Variants in BRCC3 observed in about 807,000 individuals in gnomAD.
The protein encoded by BRCC3 is lys-63-specific deubiquitinase BRCC36.
In BRCC3, 15 loss-of-function variants were observed where a neutral mutation model predicts 28.0. The ratio of observed to expected loss-of-function variants is 0.54; its 90% CI spans 0.36 to 0.82. The LOEUF is 0.82. Among genes scored for constraint, BRCC3 ranks in the 40% least tolerant of loss-of-function variants. The probability of loss-of-function intolerance (pLI) is 0.01; values close to 1 mark genes in which losing one functional copy is unlikely to be tolerated. For missense variants in BRCC3, 109 were observed against 225.9 expected (o/e 0.48, Z 3.32); for synonymous variants, 66 against 80.3 (o/e 0.82, Z 0.95).
chrX:155,095,783 T>A (rs1292775535), intron 7 of BRCC3, among the ~76,000 whole-genome samples: 1 of 111,806 alleles, frequency 8.9e-6, no homozygotes, highest in African/African-American at 3.3e-5. Context: ...TGTACTTTTT[T>A]TTGGTCTTTT....
chrX:155,076,253 G>C (rs1363614566), intron 3 of BRCC3, among the ~76,000 whole-genome samples: 1 of 111,172 alleles, frequency 9.0e-6, no homozygotes, highest in Non-Finnish European at 1.9e-5. Flanking sequence ...GCCGGGCATG[G>C]TGGCGTGTGC....
chrX:155,083,150 T>A (rs1369363394), intron 5 of BRCC3, among the ~76,000 whole-genome samples: 1 of 112,516 alleles, frequency 8.9e-6, no homozygotes, highest in Non-Finnish European at 1.9e-5. Context: ...AACAAGCCTC[T>A]TCTCAGCCTG....
intron 9 of BRCC3, among the ~76,000 whole-genome samples, chrX:155,119,385 ATACT>A (rs1231205731): frequency 2.7e-5 from 3 of 112,071 alleles, no homozygotes; most frequent in African/African-American, 9.7e-5. Flanking sequence ...AGAGAAAAAG[ATACT>A]TACATTAGAT....
At chrX:155,098,663 A>G (rs2074226610) in intron 7 of BRCC3, among the ~76,000 whole-genome samples, 2 of 112,603 alleles carry the variant, frequency 1.8e-5, no homozygotes, top group Admixed American at 1.9e-4. Context: ...TGTGGCCCAC[A>G]CAGCTTAAAA....
intron 5 of BRCC3, among the ~76,000 whole-genome samples, chrX:155,082,773 C>G: frequency 1.8e-5 from 2 of 112,567 alleles, no homozygotes; most frequent in Middle Eastern, 4.6e-3. Context: ...AACTTATTCA[C>G]ATTTTGCCAG....
At chrX:155,101,051 G>C (rs2074243952) in intron 7 of BRCC3, among the ~76,000 whole-genome samples, 1 of 110,264 alleles carries the variant, frequency 9.1e-6, no homozygotes, top group African/African-American at 3.3e-5. Flanking sequence ...GTGCCACCAG[G>C]CTTGGCTATT....
chrX:155,118,684 A>G (rs1340413574), intron 9 of BRCC3, among the ~76,000 whole-genome samples: 1 of 111,906 alleles, frequency 8.9e-6, no homozygotes, highest in African/African-American at 3.3e-5. Flanking sequence ...TGCAGACATC[A>G]TGTGGCAACA....
chrX:155,074,342 A>G (rs1396952310), intron 3 of BRCC3, among the ~76,000 whole-genome samples: 1 of 112,149 alleles, frequency 8.9e-6, no homozygotes, highest in African/African-American at 3.2e-5. Flanking sequence ...ATGGGCTACA[A>G]TTACTACTCC....
At chrX:155,079,761 A>C (rs781874532) in intron 5 of BRCC3, among the ~76,000 whole-genome samples, 2 of 111,277 alleles carry the variant, frequency 1.8e-5, no homozygotes, top group African/African-American at 6.5e-5. Context: ...AAACTTTAAC[A>C]TTTGGCAACA....
chrX:155,104,416 T>G (rs1473419472), intron 7 of BRCC3, among the ~76,000 whole-genome samples: 1 of 112,358 alleles, frequency 8.9e-6, no homozygotes, highest in Non-Finnish European at 1.9e-5. Flanking sequence ...TAATATAAGG[T>G]TCATTTTTTC....
chrX:155,101,007 C>T (rs1339779353), intron 7 of BRCC3, among the ~76,000 whole-genome samples: 5 of 110,668 alleles, frequency 4.5e-5, no homozygotes, highest in Non-Finnish European at 9.5e-5. Context: ...GATCCTCCCT[C>T]GTCACCCTCC....
intron 7 of BRCC3, among the ~76,000 whole-genome samples, chrX:155,106,160 T>C (rs1557297525): frequency 2.7e-5 from 3 of 112,690 alleles, no homozygotes; most frequent in Non-Finnish European, 5.6e-5. Flanking sequence ...CCACTTGCTG[T>C]AGTCTACTTT....
intron 7 of BRCC3, among the ~76,000 whole-genome samples, chrX:155,105,422 G>T: frequency 9.0e-6 from 1 of 111,680 alleles, no homozygotes; most frequent in South Asian, 3.8e-4. Flanking sequence ...GGCGGAGGTT[G>T]CAGTGAGCCG....
intron 5 of BRCC3, among the ~76,000 whole-genome samples, chrX:155,087,772 A>G (rs1379487795): frequency 2.7e-5 from 3 of 111,980 alleles, no homozygotes; most frequent in Non-Finnish European, 5.6e-5. Context: ...AGCTGAGATC[A>G]GGTAAATTGA....
chrX:155,114,137 A>G (rs148396056), intron 7 of BRCC3, among the ~76,000 whole-genome samples: 7 of 111,412 alleles, frequency 6.3e-5, no homozygotes, highest in African/African-American at 2.3e-4. Flanking sequence ...TAAAAGCAAG[A>G]TCTCAAATAG....
chrX:155,087,192 C>CAG (rs2074137679), intron 5 of BRCC3, among the ~76,000 whole-genome samples: 1 of 111,831 alleles, frequency 8.9e-6, no homozygotes, highest in African/African-American at 3.3e-5. Context: ...AGACAATGCT[C>CAG]AGAGGGGGTA....
Position 155,077,039 on chromosome X carries a change from G to A in BRCC3, c.196-131G>A, listed in dbSNP as rs185359371. On this transcript the variant is annotated intron_variant, in intron 3 of 10. Coordinates refer to ENST00000330045, the MANE Select transcript of BRCC3 (RefSeq NM_001018055.3). ...TTTTATTTGAAACATTTCATTATTC[G>A]TGAGAAAAGTGTCAGTTTTCTAAAA... is the stretch of plus-strand genomic sequence containing the variant. 40 of 513,502 alleles carry A rather than the reference G, an allele frequency of 7.8e-5. 1 individual carries two copies. Among genetic ancestry groups the A allele is most frequent in the Middle Eastern group, 9.4e-4 (1 of 1,065 alleles). 42.3% of individuals were successfully genotyped at this position (513,502 alleles called of 1,213,427 possible).
At chrX:155,113,968 T>C (rs2074338394) in intron 7 of BRCC3, among the ~76,000 whole-genome samples, 1 of 111,342 alleles carries the variant, frequency 9.0e-6, no homozygotes, top group African/African-American at 3.3e-5. Context: ...AATCAGAAAA[T>C]AACAAGTGTT....
At chrX:155,074,049 A>G (rs1169486542) in intron 3 of BRCC3, among the ~76,000 whole-genome samples, 23 of 111,863 alleles carry the variant, frequency 2.1e-4, no homozygotes, top group Admixed American at 1.9e-3. Flanking sequence ...TCATCTACTT[A>G]TTACTACTAG....
Sources: gnomAD v4.1 joint callset for allele counts (sites outside exome capture counted in the v4.1 genomes callset) on GRCh38, gnomAD v4.1.1 for gene constraint, MANE v1.5 for transcripts, NCBI Gene and HGNC (gene_info 2026-07-23, HGNC 2026-07-21) for gene names.